The following LRRC2 variants were observed in gnomAD, a reference collection of about 807,000 sequenced individuals.
LRRC2 encodes the protein leucine-rich repeat-containing protein 2.
LRRC2 carries 27 observed loss-of-function variants against 40.2 expected under a neutral mutation model. The observed-to-expected ratio is 0.67, with a 90% CI of 0.49 to 0.93. The LOEUF is 0.93. LRRC2 is among the 40% of genes least tolerant of loss of function. The probability of loss-of-function intolerance (pLI) is 0.00; values close to 1 mark genes in which losing one functional copy is unlikely to be tolerated. For missense variants in LRRC2, 402 were observed against 439.6 expected, an observed-to-expected ratio of 0.91 and a Z score of 0.76; for synonymous variants, 147 against 158.9, an observed-to-expected ratio of 0.92 and a Z score of 0.56.
At chr3:46,534,753 C>T (rs1010885693) in intron 4 of LRRC2, among the ~76,000 whole-genome samples, 1 of 151,878 alleles carries the variant, frequency 6.6e-6, no homozygotes, top group Non-Finnish European at 1.5e-5. Flanking sequence ...AAAAGAATAC[C>T]CTGTCTAGTA....
At chr3:46,544,980 T>C in intron 3 of LRRC2, 66 bp downstream of exon 3, 3 of 1,449,052 alleles carry the variant, frequency 2.1e-6, no homozygotes, top group Non-Finnish European at 2.9e-6. Context: ...TCATTCATCC[T>C]TGGGCTCAGG....
chr3:46,551,373 A>G (rs1265279296), intron 2 of LRRC2, 94 bp downstream of exon 2: 10 of 1,469,606 alleles, frequency 6.8e-6, no homozygotes, highest in Admixed American at 2.1e-5. Context: ...GAGAAATCCC[A>G]GAAGAAAAGC....
At chr3:46,563,157 A>G (rs1229658132) in intron 1 of LRRC2, among the ~76,000 whole-genome samples, 2 of 152,118 alleles carry the variant, frequency 1.3e-5, no homozygotes, top group Admixed American at 1.3e-4. Flanking sequence ...CTTAGAGGGC[A>G]TGCATTTCTC....
rs746674161 is a variant in LRRC2 at position 46,519,076 on chromosome 3, GA to G, written c.1067-14del. 170 of 1,595,828 alleles carry G rather than the reference GA, an allele frequency of 1.1e-4. No individual in the cohort carries two copies. Among genetic ancestry groups the G allele is most frequent in the Non-Finnish European group, 1.4e-4 (164 of 1,163,970 alleles). On this transcript the variant is annotated splice_polypyrimidine_tract_variant and intron_variant, in intron 8 of 8. Transcript: ENST00000395905. ...CTGGGAACAGATTCTGTAACAGAAA[GA>G]AAAAAGTATGCTCAATCATTCACCA...
Position 46,517,524 on chromosome 3 carries a change from G to C in LRRC2, c.*1490C>G, listed in dbSNP as rs983000014. The stretch of plus-strand genomic sequence containing the variant: ...AATTTTTTTGTGGAGATGGGGTTTC[G>C]TCATGATGTCCAAGCTGTTCTCAAA... On this transcript the variant is annotated 3_prime_UTR_variant, in exon 9 of 9. Coordinates refer to ENST00000395905, the MANE Select transcript of LRRC2 (RefSeq NM_024512.5). The C allele has an allele frequency of 6.6e-6, 1 of 151,846 alleles. No individual in the cohort carries two copies. Among genetic ancestry groups the C allele is most frequent in the Admixed American group, 6.6e-5 (1 of 15,246 alleles). 9.4% of individuals were successfully genotyped at this position (151,846 alleles called of 1,614,324 possible).
At chr3:46,549,466 C>T (rs1704596145) in intron 2 of LRRC2, among the ~76,000 whole-genome samples, 1 of 152,208 alleles carries the variant, frequency 6.6e-6, no homozygotes, top group South Asian at 2.1e-4. Context: ...CCCTACCTCA[C>T]ATTCCTCCTT....
chr3:46,529,967 C>T lies in LRRC2; in HGVS notation c.711G>A (p.Ser237=), dbSNP rs144357768. 2.0e-4 allele frequency: 322 copies of T among 1,614,082 alleles called. 2 individuals carry two copies. In the African/African-American group the frequency reaches 2.6e-3, roughly 13 times the overall value. Residue 237 remains serine, a synonymous_variant, in exon 6 of 9, where the codon TCG becomes TCA. Transcript: ENST00000395905. ...SSVPICVLRM[S]NLQWLDISSN... ...TGCTGATATCCAACCACTGCAAATT[C>T]GACATCCGCAGGACACAGATTGGGA... is the stretch of plus-strand genomic sequence containing the variant.
Position 46,519,076 on chromosome 3 carries a change from G to T in LRRC2, c.1067-13C>A. 1 of 1,595,830 alleles carries T rather than the reference G, an allele frequency of 6.3e-7. No homozygotes were observed. Among genetic ancestry groups the T allele is most frequent in the Non-Finnish European group, 8.6e-7 (1 of 1,163,972 alleles). On this transcript the variant is annotated splice_polypyrimidine_tract_variant and intron_variant, in intron 8 of 8. Transcript: ENST00000395905. ...CTGGGAACAGATTCTGTAACAGAAA[G>T]AAAAAAGTATGCTCAATCATTCACC...
chr3:46,551,464 T>C lies in LRRC2; in HGVS notation c.125+3A>G. On this transcript the variant is annotated splice_donor_region_variant and intron_variant, in intron 2 of 8. Transcript: ENST00000395905. Reference sequence around the variant, plus strand: ...TACAAGACTAGGTTGAGAAAACACGTACTTCTCCAAGGCGCTCTTCTCAAG... The same window carrying C: ...TACAAGACTAGGTTGAGAAAACACGCACTTCTCCAAGGCGCTCTTCTCAAG... 1 of 1,612,272 alleles carries C rather than the reference T, an allele frequency of 6.2e-7. No individual in the cohort carries two copies. Among genetic ancestry groups the C allele is most frequent in the Non-Finnish European group, 8.5e-7 (1 of 1,179,438 alleles).
At chr3:46,549,068 A>G (rs1374667140) in intron 2 of LRRC2, among the ~76,000 whole-genome samples, 1 of 152,140 alleles carries the variant, frequency 6.6e-6, no homozygotes, top group Non-Finnish European at 1.5e-5. Flanking sequence ...ATTCGGAGAG[A>G]GTGATATTTC....
chr3:46,529,927 C>T lies in LRRC2; in HGVS notation c.751G>A (p.Asp251Asn), dbSNP rs757987500. The change falls in exon 6 of 9, where the codon GAC becomes AAC. Residue 251 changes from aspartate to asparagine, a missense_variant. Physicochemically the swap from Asp to Asn is conservative, Grantham distance 23 (BLOSUM62 1). Coordinates refer to ENST00000395905, the MANE Select transcript of LRRC2 (RefSeq NM_024512.5). ...TACCTGTCTATATCTTGCGGCAGGTCGGTCAGGTTATTGCTGCTGATATCC... is the reference window on the plus strand; with the variant it reads ...TACCTGTCTATATCTTGCGGCAGGTTGGTCAGGTTATTGCTGCTGATATCC... ...WLDISSNNLT[D>N]LPQDIDRLEE... 2.9e-5 allele frequency: 46 copies of T among 1,613,916 alleles called. No individual in the cohort carries two copies. The highest frequency in any genetic ancestry group is 1.0e-4 in the Admixed American group (6 of 59,958).
chr3:46,547,873 T>A (rs1407615165), intron 2 of LRRC2, among the ~76,000 whole-genome samples: 1 of 152,126 alleles, frequency 6.6e-6, no homozygotes, highest in Admixed American at 6.6e-5. Flanking sequence ...TATAACCATA[T>A]GATAAAAATG....
intron 1 of LRRC2, among the ~76,000 whole-genome samples, chr3:46,564,098 G>A (rs111300180): frequency 0.015 from 2,245 of 152,120 alleles, 29 homozygotes; most frequent in Middle Eastern, 0.027. Context: ...AGAGGGGAGA[G>A]CATCAAAGGA....
chr3:46,554,302 TG>T (rs1704738009), intron 1 of LRRC2, among the ~76,000 whole-genome samples: 1 of 61,080 alleles, frequency 1.6e-5, no homozygotes, highest in Non-Finnish European at 3.3e-5. Flanking sequence ...ATTATCGGCA[TG>T]AGACAGTCTG....
chr3:46,527,913 G>C (rs571628294), intron 6 of LRRC2, among the ~76,000 whole-genome samples: 58 of 152,182 alleles, frequency 3.8e-4, no homozygotes, highest in African/African-American at 1.4e-3. Flanking sequence ...TTTTTGTAGA[G>C]ACAGAGGGTC....
chr3:46,533,284 C>G (rs1339599790), intron 4 of LRRC2, among the ~76,000 whole-genome samples: 1 of 152,182 alleles, frequency 6.6e-6, no homozygotes, highest in Non-Finnish European at 1.5e-5. Flanking sequence ...TCTCCCAAAG[C>G]CCTCAGACCT....
At chr3:46,565,596 G>A (rs1206431125) in intron 1 of LRRC2, among the ~76,000 whole-genome samples, 1 of 152,204 alleles carries the variant, frequency 6.6e-6, no homozygotes, top group African/African-American at 2.4e-5. Context: ...AGTTCTGGGA[G>A]AGGGTTTGGT....
At chr3:46,565,268 C>T (rs1705032631) in intron 1 of LRRC2, among the ~76,000 whole-genome samples, 1 of 152,156 alleles carries the variant, frequency 6.6e-6, no homozygotes. Context: ...GCCACATGTC[C>T]CTGAGAACAC....
chr3:46,554,020 T>G (rs1199337081), intron 1 of LRRC2, among the ~76,000 whole-genome samples: 2 of 150,856 alleles, frequency 1.3e-5, no homozygotes, highest in Admixed American at 6.6e-5. Flanking sequence ...TTGTTGTTTT[T>G]TTGTTGTTTT....
Sources: gnomAD v4.1 joint callset for allele counts (sites outside exome capture counted in the v4.1 genomes callset) on GRCh38, gnomAD v4.1.1 for gene constraint, MANE v1.5 for transcripts, NCBI Gene and HGNC (gene_info 2026-07-23, HGNC 2026-07-21) for gene names.